The following GPAT4 variants were observed in gnomAD, a reference collection of about 807,000 sequenced individuals.
GPAT4 encodes glycerol-3-phosphate acyltransferase 4, also known as 1-AGP acyltransferase 6.
A neutral mutation model predicts 58.0 loss-of-function variants in GPAT4; 17 were observed. That is an observed-to-expected ratio of 0.29 (90% confidence interval 0.20 to 0.44). GPAT4 has a LOEUF of 0.44. Ranked by LOEUF, GPAT4 falls within the 20% of genes least tolerant of loss-of-function variation. The pLI, the probability that GPAT4 is intolerant of heterozygous loss-of-function variation, is 1.00. For missense variants in GPAT4, 377 were observed against 574.5 expected (o/e 0.66, Z 3.51); for synonymous variants, 204 against 210.1 (o/e 0.97, Z 0.25).
intron 2 of GPAT4, among the ~76,000 whole-genome samples, chr8:41,603,966 TA>T (rs1803181673): frequency 6.6e-6 from 1 of 151,808 alleles, no homozygotes; most frequent in Non-Finnish European, 1.5e-5. Flanking sequence ...AATATAGCAA[TA>T]AGATAGCCAG....
In GPAT4 at chr8:41,601,447, T is replaced by TA. The variant is rs959261514; in HGVS notation, c.165+2144dup. On this transcript the variant is annotated intron_variant, in intron 2 of 12. Transcript: ENST00000396987. ...CAGGATCCCTGCGGATGGTATAACTTACACCTGGGCCCTTTTACCACCATG... is the reference window on the plus strand; with the variant it reads ...CAGGATCCCTGCGGATGGTATAACTTAACACCTGGGCCCTTTTACCACCATG... Among the ~76,000 whole-genome samples the TA allele has an allele frequency of 7.2e-5, 11 of 152,216 alleles. 1 individual carries two copies. The highest frequency in any genetic ancestry group is 3.3e-4 in the Admixed American group (5 of 15,280).
rs1275622185 is a variant in GPAT4, at chr8:41,609,432, T to C, written c.182T>C (p.Met61Thr). Residue 61 changes from methionine (M) to threonine (T), a missense_variant, in exon 3 of 13, where the codon ATG becomes ACG. Physicochemically the swap from Met to Thr is moderately conservative, Grantham distance 81 (BLOSUM62 -1). Coordinates refer to ENST00000396987, the MANE Select transcript of GPAT4 (RefSeq NM_178819.4). Reference sequence around the variant, plus strand: ...CCCTCCCAGTGGGCTACCTTGAGAATGGAGCGAGGAGCCAAGGAGAAGAAC... The same window carrying C: ...CCCTCCCAGTGGGCTACCTTGAGAACGGAGCGAGGAGCCAAGGAGAAGAAC... ...LKIFAWATLR[M>T]ERGAKEKNHQ... is the part of the protein sequence containing the mutation. 5.0e-6 allele frequency: 8 copies of C among 1,614,046 alleles called. No individual in the cohort carries two copies. The highest frequency in any genetic ancestry group is 6.8e-6 in the Non-Finnish European group (8 of 1,180,030).
At chr8:41,591,383 T>G (rs1005656450) in intron 1 of GPAT4, among the ~76,000 whole-genome samples, 1 of 152,186 alleles carries the variant, frequency 6.6e-6, no homozygotes, top group South Asian at 2.1e-4. Flanking sequence ...GTATGAAGGG[T>G]GGTCTCCTCC....
intron 1 of GPAT4, among the ~76,000 whole-genome samples, chr8:41,597,418 T>A (rs1268445689): frequency 6.6e-6 from 1 of 152,234 alleles, no homozygotes; most frequent in Non-Finnish European, 1.5e-5. Flanking sequence ...TTTTGTGAGA[T>A]ATTTGAAATA....
intron 2 of GPAT4, among the ~76,000 whole-genome samples, chr8:41,600,378 C>T (rs967948083): frequency 3.9e-5 from 6 of 152,076 alleles, no homozygotes; most frequent in Non-Finnish European, 5.9e-5. Flanking sequence ...TAACTTTTAT[C>T]GTTTTTCTTT....
chr8:41,590,245 C>T (rs1053673411), intron 1 of GPAT4, among the ~76,000 whole-genome samples: 28 of 152,076 alleles, frequency 1.8e-4, no homozygotes, highest in African/African-American at 6.5e-4. Context: ...CGCCATGATG[C>T]TTGGCTAATT....
At chr8:41,612,071 G>T in intron 6 of GPAT4, 79 bp downstream of exon 6, 1 of 1,590,000 alleles carries the variant, frequency 6.3e-7, no homozygotes, top group Non-Finnish European at 8.6e-7. Flanking sequence ...CAAATGGGAA[G>T]ACACTTCTGA....
intron 10 of GPAT4, among the ~76,000 whole-genome samples, chr8:41,618,142 T>G (rs1290129235): frequency 6.6e-6 from 1 of 152,188 alleles, no homozygotes; most frequent in Non-Finnish European, 1.5e-5. Context: ...TTGTTGGAAG[T>G]GTAAATGTAG....
At chr8:41,593,629 C>G (rs982301750) in intron 1 of GPAT4, among the ~76,000 whole-genome samples, 1 of 152,164 alleles carries the variant, frequency 6.6e-6, no homozygotes, top group South Asian at 2.1e-4. Flanking sequence ...GCTGTACGAA[C>G]AGCAGTCTCT....
chr8:41,581,993 ATTTTTTTTTTTTTTTTTTTTT>A (rs71230849), intron 1 of GPAT4, among the ~76,000 whole-genome samples: 1 of 63,592 alleles, frequency 1.6e-5, no homozygotes, highest in Non-Finnish European at 2.7e-5. Context: ...AAGTTCAATG[ATTTTTTTTTTTTTTTTTTTTT>A]TTTTTTTTTT....
intron 12 of GPAT4, among the ~76,000 whole-genome samples, chr8:41,620,455 C>T (rs1023068034): frequency 1.3e-5 from 2 of 152,224 alleles, no homozygotes; most frequent in African/African-American, 4.8e-5. Flanking sequence ...TGCATGAGTT[C>T]AGAGTATCCC....
chr8:41,597,225 T>A (rs930041656), intron 1 of GPAT4, among the ~76,000 whole-genome samples: 68 of 152,230 alleles, frequency 4.5e-4, no homozygotes, highest in Non-Finnish European at 1.5e-4. Flanking sequence ...GTCTCCTCCC[T>A]TAAAACATTG....
rs902777599 is a variant in GPAT4, at chr8:41,611,934, T to C, written c.643T>C (p.Leu215=). Residue 215 remains leucine, a synonymous_variant, in exon 6 of 13, where the codon TTA becomes CTA. Transcript: ENST00000396987. ...GGAGTTCATGAGTAAACATGTTCAC[T>C]TAATGTGTTACCGGATCTGCGTGCG... ...FKEFMSKHVH[L]MCYRICVRAL... 4 of 1,614,128 alleles carry C rather than the reference T, an allele frequency of 2.5e-6. No homozygotes were observed. The African/African-American group carries it at 5.3e-5, about 22-fold the overall frequency.
intron 1 of GPAT4, among the ~76,000 whole-genome samples, chr8:41,583,756 G>A (rs1166202759): frequency 1.3e-5 from 2 of 152,154 alleles, no homozygotes; most frequent in Non-Finnish European, 2.9e-5. Context: ...TAATGTTCAG[G>A]TCTGAGGTTA....
At position 41,621,087 on chromosome 8, in the gene GPAT4, C is replaced by T; in HGVS notation, c.*86C>T. On this transcript the variant is annotated 3_prime_UTR_variant, in exon 13 of 13. Transcript: ENST00000396987. ...GCCGCCGCCGCCCCCACTGCTGTGT[C>T]CTTTCCAGACTCCAGGGCTCCCCGG... is the stretch of plus-strand genomic sequence containing the variant. 7 of 1,516,676 alleles carry T rather than the reference C, an allele frequency of 4.6e-6. No individual in the cohort carries two copies. Among genetic ancestry groups the T allele is most frequent in the African/African-American group, 1.4e-5 (1 of 72,430 alleles). 94.0% of individuals were successfully genotyped at this position (1,516,676 alleles called of 1,614,324 possible). A position where few individuals can be genotyped will look rare whatever the true frequency, so the allele number is the denominator to read the frequency against.
rs1000293445 is a variant in GPAT4 at position 41,612,252 on chromosome 8, C to T, written c.774C>T (p.Ala258=). Residue 258 remains alanine (A), a synonymous_variant, in exon 7 of 13, where the codon GCC becomes GCT. Coordinates refer to ENST00000396987, the MANE Select transcript of GPAT4 (RefSeq NM_178819.4). ...CACCGATCGATGTGATCATCTTGGC[C>T]AGCGATGGCTATTATGCCATGGTAA... is the stretch of plus-strand genomic sequence containing the variant. ...HTSPIDVIIL[A]SDGYYAMVGQ... 6.2e-7 allele frequency: 1 copy of T among 1,614,134 alleles called. No homozygotes were observed. Among genetic ancestry groups the T allele is most frequent in the African/African-American group, 1.3e-5 (1 of 74,936 alleles).
At chr8:41,589,413 C>G (rs1259937944) in intron 1 of GPAT4, among the ~76,000 whole-genome samples, 1 of 152,074 alleles carries the variant, frequency 6.6e-6, no homozygotes, top group Admixed American at 6.5e-5. Context: ...CAGGGGGCCT[C>G]TGAGCGGAGG....
At chr8:41,615,970 G>A (rs911477716) in intron 10 of GPAT4, among the ~76,000 whole-genome samples, 3 of 152,224 alleles carry the variant, frequency 2.0e-5, no homozygotes, top group African/African-American at 7.2e-5. Context: ...CCAGGCCAGG[G>A]ATGGCAGATG....
rs2150509648 is a variant in GPAT4, at chr8:41,621,170, C to T, written c.*169C>T. 1.1e-6 allele frequency: 1 copy of T among 931,994 alleles called. No individual in the cohort carries two copies. Among genetic ancestry groups the T allele is most frequent in the East Asian group, 2.7e-5 (1 of 37,510 alleles). The allele number at this position is 931,994 out of a possible 1,614,324, so 57.7% of individuals were successfully genotyped here. On this transcript the variant is annotated 3_prime_UTR_variant, in exon 13 of 13. Coordinates refer to ENST00000396987, the MANE Select transcript of GPAT4 (RefSeq NM_178819.4). Reference sequence around the variant, plus strand: ...CGAGCCGCAGCGGGATCCCTGTGCACCCGGCGCAGCCTACCCTTGGTGGTC... The same window carrying T: ...CGAGCCGCAGCGGGATCCCTGTGCATCCGGCGCAGCCTACCCTTGGTGGTC...
Sources: allele counts gnomAD v4.1 joint callset (sites outside exome capture counted in the v4.1 genomes callset), GRCh38; gene constraint gnomAD v4.1.1; transcripts MANE v1.5; gene names NCBI Gene and HGNC (gene_info 2026-07-23, HGNC 2026-07-21).